Variants in GRIK5 observed in about 807,000 individuals in gnomAD.
GRIK5 encodes the protein glutamate ionotropic receptor kainate type subunit 5.
In GRIK5, 43 loss-of-function variants were observed where a neutral mutation model predicts 97.4. That is an observed-to-expected ratio of 0.44 (90% CI 0.35 to 0.57). The LOEUF is 0.57. Ranked by LOEUF, GRIK5 falls within the 20% of genes least tolerant of loss-of-function variation. GRIK5 has a pLI of 0.01. For missense variants in GRIK5, 1,015 were observed against 1,382.0 expected (o/e 0.73, Z 4.21); for synonymous variants, 580 against 583.5 (o/e 0.99, Z 0.09).
chr19:42,005,499 C>T (rs1402240417), intron 17 of GRIK5, among the ~76,000 whole-genome samples: 5 of 152,210 alleles, frequency 3.3e-5, no homozygotes, highest in African/African-American at 4.8e-5. Context: ...ACTGAATTCT[C>T]CCAACAGCTC....
intron 12 of GRIK5, among the ~76,000 whole-genome samples, chr19:42,040,149 G>C (rs919345456): frequency 6.6e-6 from 1 of 152,142 alleles, no homozygotes; most frequent in African/African-American, 2.4e-5. Context: ...TTAAGCACTT[G>C]CCCAAAGCCA....
intron 12 of GRIK5, among the ~76,000 whole-genome samples, chr19:42,041,619 C>A: frequency 6.6e-6 from 1 of 152,092 alleles, no homozygotes; most frequent in South Asian, 2.1e-4. Context: ...TGCACCCTTG[C>A]CTGCCACCTC....
Position 41,999,091 on chromosome 19 carries a change from C to T in GRIK5, c.2723G>A (p.Arg908His). 7.5e-7 allele frequency: 1 copy of T among 1,336,778 alleles called. No individual in the cohort carries two copies. Among genetic ancestry groups the T allele is most frequent in the East Asian group, 3.2e-5 (1 of 30,796 alleles). The allele number at this position is 1,336,778 out of a possible 1,614,324, so 82.8% of individuals were successfully genotyped here. The change falls in exon 20 of 20, where the codon CGC (arginine) becomes CAC (histidine). Residue 908 changes from arginine (R) to histidine (H), a missense_variant. Arg to His is a conservative substitution (Grantham distance 29, BLOSUM62 0). Around this residue, in one of 5 missense-constraint regions of GRIK5, gnomAD observed 109 missense variants for 100.4 expected, o/e 1.09. Coordinates refer to ENST00000593562, the MANE Select transcript of GRIK5 (RefSeq NM_002088.5). This position sits in a 1 kb window ranked among gnomAD's most constrained non-coding sequence, Gnocchi z 5.0. The part of the protein sequence containing the change: ...DAGSAHGGPQ[R>H]LLDDPGPPSG... ...GGGGGGCCCCGGGTCGTCCAGGAGG[C>T]GCTGCGGGCCCCCGTGCGCGCTGCC...
intron 11 of GRIK5, among the ~76,000 whole-genome samples, chr19:42,043,145 T>G (rs116133250): frequency 6.6e-6 from 1 of 152,208 alleles, no homozygotes; most frequent in Non-Finnish European, 1.5e-5. Flanking sequence ...CATTTTACCC[T>G]GCAACCTAAT....
intron 11 of GRIK5, among the ~76,000 whole-genome samples, chr19:42,047,649 C>G (rs1338109340): frequency 6.6e-6 from 1 of 152,006 alleles, no homozygotes; most frequent in Non-Finnish European, 1.5e-5. Flanking sequence ...ATAAATGGTG[C>G]TGCTGAATTA....
chr19:42,000,266 GT>G (rs2075413568), intron 19 of GRIK5, among the ~76,000 whole-genome samples: 1 of 152,190 alleles, frequency 6.6e-6, no homozygotes, highest in African/African-American at 2.4e-5. Context: ...AGAACAGATT[GT>G]AGGGAGGCCA....
intron 19 of GRIK5, among the ~76,000 whole-genome samples, chr19:42,001,107 G>A (rs1394452637): frequency 1.3e-5 from 2 of 151,944 alleles, no homozygotes; most frequent in African/African-American, 2.4e-5. Context: ...AAATCAACCC[G>A]GGGCCAGGTA....
At position 42,003,574 on chromosome 19, in the gene GRIK5, C is replaced by T; in HGVS notation, c.2373G>A (p.Glu791=). 1 of 1,612,218 alleles carries T rather than the reference C, an allele frequency of 6.2e-7. No individual in the cohort carries two copies. The highest frequency in any genetic ancestry group is 1.1e-5 in the South Asian group (1 of 90,638). Residue 791 remains glutamate (E), a synonymous_variant, in exon 18 of 20, where the codon GAG becomes GAA. Coordinates refer to ENST00000593562, the MANE Select transcript of GRIK5 (RefSeq NM_002088.5). The surrounding 1 kb of genome is among the most constrained non-coding windows in gnomAD (Gnocchi z 4.2). The part of the protein sequence containing the change: ...KWWEGGRCPK[E]EDHRAKGLGM... ...ACTGACCTTTAGCTCGATGGTCCTC[C>T]TCCTTGGGGCACCGGCCCCCCTCCC...
chr19:42,044,698 C>CT (rs1225531664), intron 11 of GRIK5, among the ~76,000 whole-genome samples: 16 of 152,222 alleles, frequency 1.1e-4, no homozygotes, highest in African/African-American at 2.7e-4. Context: ...GCCTGTAACT[C>CT]TAACACTTTG....
intron 12 of GRIK5, among the ~76,000 whole-genome samples, chr19:42,026,839 A>G (rs1457385146): frequency 6.6e-6 from 1 of 152,092 alleles, no homozygotes; most frequent in Non-Finnish European, 1.5e-5. Flanking sequence ...AAGTGCTGGG[A>G]TTACAGACAT....
intron 12 of GRIK5, among the ~76,000 whole-genome samples, chr19:42,026,693 C>T (rs528919860): frequency 3.3e-5 from 5 of 152,118 alleles, no homozygotes; most frequent in African/African-American, 4.8e-5. Flanking sequence ...CTCAGCCTCC[C>T]GAGTAGCTGG....
Position 42,056,668 on chromosome 19 carries a change from G to T in GRIK5, c.897C>A (p.Gly299=). 1 of 1,613,906 alleles carries T rather than the reference G, an allele frequency of 6.2e-7. No individual in the cohort carries two copies. Among genetic ancestry groups the T allele is most frequent in the African/African-American group, 1.3e-5 (1 of 75,040 alleles). The change falls in exon 8 of 20, where the codon GGC becomes GGA. Residue 299 remains glycine, a synonymous_variant. Coordinates refer to ENST00000593562, the MANE Select transcript of GRIK5 (RefSeq NM_002088.5). ...TGGGTATCTGTGTGCTCACCGCAGGGCCCAGGTAGGTGCTGGCTTCACAGT... is the reference window on the plus strand; with the variant it reads ...TGGGTATCTGTGTGCTCACCGCAGGTCCCAGGTAGGTGCTGGCTTCACAGT... ...RENCEASTYL[G]PALSAALMFD...
At chr19:42,032,837 T>C (rs2075855364) in intron 12 of GRIK5, among the ~76,000 whole-genome samples, 1 of 152,174 alleles carries the variant, frequency 6.6e-6, no homozygotes, top group Non-Finnish European at 1.5e-5. Context: ...CTGACACAGC[T>C]GCCACTCAAA....
intron 9 of GRIK5, 93 bp downstream of exon 9, chr19:42,054,227 G>A: frequency 7.4e-7 from 1 of 1,358,948 alleles, no homozygotes; most frequent in Non-Finnish European, 1.0e-6. Flanking sequence ...GGGAAGAGCA[G>A]GGAGGGCAGA....
intron 3 of GRIK5, among the ~76,000 whole-genome samples, chr19:42,063,901 TC>T (rs2076292713): frequency 6.6e-6 from 1 of 152,170 alleles, no homozygotes; most frequent in African/African-American, 2.4e-5. Flanking sequence ...TTCTGCCACC[TC>T]TAACTAAAGG....
chr19:42,038,920 G>A (rs935545018), intron 12 of GRIK5, among the ~76,000 whole-genome samples: 6 of 152,132 alleles, frequency 3.9e-5, no homozygotes, highest in Admixed American at 2.0e-4. Flanking sequence ...TCCTCCTCCA[G>A]TGTTCTCCCT....
At chr19:42,033,292 T>C (rs1288207604) in intron 12 of GRIK5, among the ~76,000 whole-genome samples, 1 of 115,176 alleles carries the variant, frequency 8.7e-6, no homozygotes, top group Admixed American at 1.3e-4. Context: ...CACTCCAGCC[T>C]GGGCGAGAAA....
chr19:42,036,065 A>G (rs908176283), intron 12 of GRIK5, among the ~76,000 whole-genome samples: 18 of 151,758 alleles, frequency 1.2e-4, no homozygotes, highest in South Asian at 2.1e-4. Flanking sequence ...TTATTTATTT[A>G]TTTTTATTTT....
At chr19:42,051,199 G>A (rs998177868) in intron 11 of GRIK5, among the ~76,000 whole-genome samples, 3 of 152,036 alleles carry the variant, frequency 2.0e-5, no homozygotes, top group African/African-American at 7.3e-5. Flanking sequence ...CGAGACCAGC[G>A]GCTGAGGAGG....
Sources: allele counts gnomAD v4.1 joint callset (sites outside exome capture counted in the v4.1 genomes callset), GRCh38; gene constraint gnomAD v4.1.1; regional missense constraint gnomAD v4.1.1; non-coding constraint Gnocchi (gnomAD v3.1); transcripts MANE v1.5; gene names NCBI Gene and HGNC (gene_info 2026-07-23, HGNC 2026-07-21).